CDK6: variants seen among roughly 807,000 people sequenced by gnomAD.
CDK6 encodes the protein cyclin dependent kinase 6, also known as cyclin-dependent kinase 6.
A neutral mutation model predicts 37.1 loss-of-function variants in CDK6; 6 were observed. The observed-to-expected ratio is 0.16, with a 90% CI of 0.09 to 0.32. The LOEUF is 0.32. Ranked by LOEUF, CDK6 falls within the 10% of genes least tolerant of loss-of-function variation. The probability of loss-of-function intolerance (pLI) is 1.00; values close to 1 mark genes in which losing one functional copy is unlikely to be tolerated. For synonymous variants in CDK6, 160 were observed against 161.3 expected (o/e 0.99, Z 0.06); for missense variants, 224 against 418.9 (o/e 0.53, Z 4.06).
In CDK6 at chr7:92,606,568, AC is replaced by A; in HGVS notation, c.*8571del. 4.3e-6 allele frequency: 1 copy of A among 233,290 alleles called. No homozygotes were observed. Among genetic ancestry groups the A allele is most frequent in the Non-Finnish European group, 8.5e-6 (1 of 118,052 alleles). 14.5% of individuals were successfully genotyped at this position (233,290 alleles called of 1,614,324 possible). ...CACAGCCTAGATGAGTATCTGATAT[AC>A]ACAATTTCTACATTTCTAGAACCAT... On this transcript the variant is annotated 3_prime_UTR_variant, in exon 8 of 8. Coordinates refer to ENST00000424848, the MANE Select transcript of CDK6 (RefSeq NM_001145306.2).
chr7:92,766,749 G>A (rs1799591253), intron 3 of CDK6, among the ~76,000 whole-genome samples: 2 of 152,110 alleles, frequency 1.3e-5, no homozygotes, highest in Non-Finnish European at 2.9e-5. Flanking sequence ...TGATATAAAC[G>A]GGTATATACT....
chr7:92,621,977 G>C (rs1795814004), intron 6 of CDK6, among the ~76,000 whole-genome samples: 1 of 150,450 alleles, frequency 6.6e-6, no homozygotes, highest in Non-Finnish European at 1.5e-5. Flanking sequence ...AGTAGACAGT[G>C]CTGATATGAA....
intron 2 of CDK6, among the ~76,000 whole-genome samples, chr7:92,788,550 G>C (rs1800201108): frequency 6.6e-6 from 1 of 152,086 alleles, no homozygotes; most frequent in Non-Finnish European, 1.5e-5. Context: ...GATGATTCAT[G>C]GTCATTACTG....
chr7:92,793,430 G>C (rs1800330233), intron 2 of CDK6, among the ~76,000 whole-genome samples: 1 of 152,128 alleles, frequency 6.6e-6, no homozygotes, highest in African/African-American at 2.4e-5. Flanking sequence ...ATAATTTAGA[G>C]TGCAGAAATT....
chr7:92,812,826 T>C (rs1270409570), intron 2 of CDK6, among the ~76,000 whole-genome samples: 4 of 152,202 alleles, frequency 2.6e-5, no homozygotes, highest in African/African-American at 7.2e-5. Flanking sequence ...TGGTTTACCG[T>C]ACAGACATTA....
chr7:92,630,077 G>C (rs1487918808), intron 5 of CDK6, among the ~76,000 whole-genome samples: 1 of 151,996 alleles, frequency 6.6e-6, no homozygotes, highest in Non-Finnish European at 1.5e-5. Flanking sequence ...TAAGAATTTT[G>C]GGAGGGACAC....
intron 3 of CDK6, among the ~76,000 whole-genome samples, chr7:92,747,155 T>A (rs1389971494): frequency 6.6e-6 from 1 of 152,176 alleles, no homozygotes. Context: ...CCCAAACTGA[T>A]AATTAACTTA....
chr7:92,771,434 T>C (rs1395374306), intron 3 of CDK6, among the ~76,000 whole-genome samples: 1 of 152,152 alleles, frequency 6.6e-6, no homozygotes, highest in Admixed American at 6.5e-5. Context: ...TTAATACCTA[T>C]GATTTGGATC....
chr7:92,632,956 T>TC lies in CDK6; in HGVS notation c.648-9871dup, dbSNP rs1230891991. Among the ~76,000 whole-genome samples the TC allele has an allele frequency of 9.6e-5, 12 of 125,612 alleles. 1 individual carries two copies. The highest frequency in any genetic ancestry group is 2.4e-4 in the Admixed American group (3 of 12,570). 82.4% of individuals were successfully genotyped at this position (125,612 alleles called of 152,430 possible). Reference sequence around the variant, plus strand: ...ATCTTTTTTTTTTTTTTTTTTTTTTTCCAAACAAGCTAAGATGGCACCAAT... The same window carrying TC: ...ATCTTTTTTTTTTTTTTTTTTTTTTTCCCAAACAAGCTAAGATGGCACCAAT... On this transcript the variant is annotated intron_variant, in intron 5 of 7. Coordinates refer to ENST00000424848, the MANE Select transcript of CDK6 (RefSeq NM_001145306.2).
At chr7:92,659,407 T>A (rs1796784286) in intron 5 of CDK6, among the ~76,000 whole-genome samples, 1 of 152,198 alleles carries the variant, frequency 6.6e-6, no homozygotes, top group Non-Finnish European at 1.5e-5. Flanking sequence ...GGATGTACTG[T>A]GGTAAAAAAA....
chr7:92,805,236 G>A (rs562849357), intron 2 of CDK6, among the ~76,000 whole-genome samples: 4 of 152,204 alleles, frequency 2.6e-5, no homozygotes, highest in East Asian at 1.9e-4. Context: ...CCACCATCAC[G>A]TTGCCACTTC....
intron 2 of CDK6, among the ~76,000 whole-genome samples, chr7:92,823,802 C>G (rs1801241642): frequency 6.6e-6 from 1 of 151,948 alleles, no homozygotes; most frequent in Non-Finnish European, 1.5e-5. Context: ...AAAGTCTACC[C>G]TTGAAATGCA....
intron 5 of CDK6, among the ~76,000 whole-genome samples, chr7:92,627,627 A>G (rs1011925366): frequency 1.3e-5 from 2 of 152,084 alleles, no homozygotes. Flanking sequence ...GTATTTTGTT[A>G]GCAGCCCAAG....
At chr7:92,618,033 T>C in intron 7 of CDK6, 39 bp downstream of exon 7, 1 of 1,607,434 alleles carries the variant, frequency 6.2e-7, no homozygotes. Context: ...GGTGTCTCAC[T>C]GGCACAGTGC....
chr7:92,692,477 C>T (rs1176024549), intron 4 of CDK6, among the ~76,000 whole-genome samples: 1 of 151,878 alleles, frequency 6.6e-6, no homozygotes, highest in East Asian at 1.9e-4. Context: ...AAACTGCTAC[C>T]TATGAAGAGT....
At chr7:92,723,256 C>G (rs994146897) in intron 4 of CDK6, among the ~76,000 whole-genome samples, 1 of 152,124 alleles carries the variant, frequency 6.6e-6, no homozygotes, top group African/African-American at 2.4e-5. Context: ...GAAGGGGATA[C>G]TAGAAAGGGT....
chr7:92,673,396 T>G (rs1797132673), intron 4 of CDK6, among the ~76,000 whole-genome samples: 1 of 152,212 alleles, frequency 6.6e-6, no homozygotes, highest in African/African-American at 2.4e-5. Flanking sequence ...AATTCACACA[T>G]GGGTCAAGTT....
intron 4 of CDK6, among the ~76,000 whole-genome samples, chr7:92,682,417 G>A (rs1303882154): frequency 2.0e-5 from 3 of 152,062 alleles, no homozygotes; most frequent in Non-Finnish European, 2.9e-5. Context: ...CCCTTCTCTG[G>A]AATGCCCTCT....
At chr7:92,762,718 C>T (rs1386068769) in intron 3 of CDK6, among the ~76,000 whole-genome samples, 1 of 152,008 alleles carries the variant, frequency 6.6e-6, no homozygotes, top group African/African-American at 2.4e-5. Context: ...CAGGCATGTG[C>T]CACCATGCCC....
Sources: allele counts gnomAD v4.1 joint callset (sites outside exome capture counted in the v4.1 genomes callset), GRCh38; gene constraint gnomAD v4.1.1; transcripts MANE v1.5; gene names NCBI Gene and HGNC (gene_info 2026-07-23, HGNC 2026-07-21).